Variants in MAP3K19 observed in about 807,000 individuals in gnomAD.
The protein encoded by MAP3K19 is SPS1/STE20-related protein kinase YSK4.
In MAP3K19, 91 loss-of-function variants were observed where a neutral mutation model predicts 114.4. The observed-to-expected ratio is 0.80, with a 90% CI of 0.67 to 0.95. MAP3K19 has a LOEUF of 0.95. Among genes scored for constraint, MAP3K19 ranks in the 40% least tolerant of loss-of-function variants. MAP3K19 has a pLI of 0.00. For missense variants in MAP3K19, 1,471 were observed against 1,573.2 expected, an observed-to-expected ratio of 0.94 and a Z score of 1.10; for synonymous variants, 518 against 530.5, an observed-to-expected ratio of 0.98 and a Z score of 0.32.
chr2:134,968,133 C>G lies in MAP3K19; in HGVS notation c.3921-3217G>C, dbSNP rs1167156995. Among the ~76,000 whole-genome samples the G allele has an allele frequency of 2.6e-5, 4 of 152,238 alleles. No homozygotes were observed. In the South Asian group the frequency reaches 6.2e-4, roughly 24 times the overall value. On this transcript the variant is annotated intron_variant, in intron 12 of 12. Transcript: ENST00000392915. ...TGCACCGCCCCTAATCCATTTAACCCTGAGTGGACACAGCACATGTTTCAG... is the reference window on the plus strand; with the variant it reads ...TGCACCGCCCCTAATCCATTTAACCGTGAGTGGACACAGCACATGTTTCAG...
At chr2:134,988,341 T>C (rs1685325353) in intron 9 of MAP3K19, 88 bp from the exon 10 acceptor site, 1 of 1,134,484 alleles carries the variant, frequency 8.8e-7, no homozygotes. Context: ...GAGATTATAA[T>C]ATCCTCTTAA....
intron 5 of MAP3K19, among the ~76,000 whole-genome samples, chr2:135,010,704 T>C (rs1238378247): frequency 6.6e-6 from 1 of 152,222 alleles, no homozygotes; most frequent in Non-Finnish European, 1.5e-5. Context: ...TATAGTTCAC[T>C]GCAGCCTCAA....
intron 12 of MAP3K19, among the ~76,000 whole-genome samples, chr2:134,975,844 C>T (rs1486124647): frequency 2.6e-5 from 4 of 152,186 alleles, no homozygotes; most frequent in African/African-American, 9.7e-5. Flanking sequence ...TAAGCAGAAG[C>T]TGCAGTGGAC....
At chr2:134,965,634 T>C (rs539028081) in intron 12 of MAP3K19, among the ~76,000 whole-genome samples, 2 of 152,300 alleles carry the variant, frequency 1.3e-5, no homozygotes, top group South Asian at 4.1e-4. Context: ...AAATATTTAT[T>C]AAGGCTTTAA....
intron 2 of MAP3K19, among the ~76,000 whole-genome samples, chr2:135,032,372 A>AAAGAG (rs765508585): frequency 0.18 from 26,655 of 145,166 alleles, 3,276 homozygotes; most frequent in South Asian, 0.35. Context: ...AAAAAAAAAA[A>AAAGAG]AGAAAAGAAA....
rs2105228688 is a variant in MAP3K19 at position 134,986,678 on chromosome 2, T to A, written c.2194A>T (p.Ile732Phe). The A allele has an allele frequency of 6.2e-7, 1 of 1,614,216 alleles. No homozygotes were observed. Among genetic ancestry groups the A allele is most frequent in the Non-Finnish European group, 8.5e-7 (1 of 1,180,036 alleles). The change falls in exon 10 of 13, where the codon ATT becomes TTT. Residue 732 changes from isoleucine (I) to phenylalanine (F), a missense_variant. Transcript: ENST00000392915. ...ATTAAGACTTTGTGCTCTTGTTTAA[T>A]GCCAAATGAAGTCTTTGGGCATTTC... ...HMKCPKTSFG[I>F]KQEHKVLISK...
intron 5 of MAP3K19, among the ~76,000 whole-genome samples, chr2:135,012,147 T>A (rs894882745): frequency 4.6e-5 from 7 of 152,192 alleles, no homozygotes; most frequent in Non-Finnish European, 8.8e-5. Flanking sequence ...TTTCTCAGTC[T>A]CTGCACTGTT....
chr2:135,029,948 C>A (rs927299607), intron 3 of MAP3K19, among the ~76,000 whole-genome samples: 1 of 152,174 alleles, frequency 6.6e-6, no homozygotes, highest in Non-Finnish European at 1.5e-5. Context: ...ATAACAGCAA[C>A]TGGTCCAAAG....
chr2:134,987,795 A>G lies in MAP3K19; in HGVS notation c.1077T>C (p.Pro359=). The G allele has an allele frequency of 1.2e-6, 2 of 1,607,560 alleles. No homozygotes were observed. Among genetic ancestry groups the G allele is most frequent in the African/African-American group, 2.7e-5 (2 of 75,016 alleles). The change falls in exon 10 of 13, where the codon CCT becomes CCC. Residue 359 remains proline (P), a synonymous_variant. Coordinates refer to ENST00000392915, the MANE Select transcript of MAP3K19 (RefSeq NM_025052.5). ...AAAGATATTGAGAGTTCTCTTCTTC[A>G]GGTTTTCGCGTTTTACTACCATGGC... The part of the protein sequence containing the change: ...IDCHGSKTRK[P]EEENSQYLSS...
chr2:134,967,340 A>C (rs1683429714), intron 12 of MAP3K19, among the ~76,000 whole-genome samples: 1 of 152,228 alleles, frequency 6.6e-6, no homozygotes, highest in Non-Finnish European at 1.5e-5. Context: ...GCCCGACACC[A>C]GTAAAGGGTC....
At chr2:134,992,567 A>G (rs937754287) in intron 8 of MAP3K19, among the ~76,000 whole-genome samples, 7 of 152,202 alleles carry the variant, frequency 4.6e-5, no homozygotes, top group African/African-American at 1.7e-4. Flanking sequence ...AATCGAGATC[A>G]TATGCCCAAC....
intron 2 of MAP3K19, among the ~76,000 whole-genome samples, chr2:135,030,978 T>G (rs918987591): frequency 9.2e-5 from 14 of 152,280 alleles, no homozygotes; most frequent in African/African-American, 2.9e-4. Context: ...TATCCTTGAA[T>G]GTCACAAGTA....
At chr2:135,021,648 C>A in intron 5 of MAP3K19, 67 bp downstream of exon 5, 1 of 831,804 alleles carries the variant, frequency 1.2e-6, no homozygotes, top group South Asian at 1.7e-5. Flanking sequence ...ATGAAGTATT[C>A]AAGCAACACA....
At chr2:134,994,651 T>C (rs1283592945) in intron 8 of MAP3K19, among the ~76,000 whole-genome samples, 1 of 152,212 alleles carries the variant, frequency 6.6e-6, no homozygotes, top group Non-Finnish European at 1.5e-5. Flanking sequence ...ATTATCTCTC[T>C]GGGGAAAACT....
intron 12 of MAP3K19, among the ~76,000 whole-genome samples, chr2:134,970,454 A>T (rs1187757302): frequency 4.6e-5 from 7 of 152,062 alleles, no homozygotes; most frequent in Admixed American, 3.3e-4. Context: ...TCGTATGTTA[A>T]TTTTGTATCC....
At chr2:135,033,698 C>T (rs1688451794) in intron 2 of MAP3K19, among the ~76,000 whole-genome samples, 1 of 81,710 alleles carries the variant, frequency 1.2e-5, no homozygotes, top group African/African-American at 8.4e-5. Flanking sequence ...GCCGGGGGGG[C>T]TAACCCCCCC....
chr2:134,998,681 A>G, intron 8 of MAP3K19, 57 bp downstream of exon 8: 1 of 1,514,474 alleles, frequency 6.6e-7, no homozygotes, highest in Admixed American at 1.9e-5. Flanking sequence ...GCCTGGCACA[A>G]TACATAAATA....
Position 134,986,567 on chromosome 2 carries a change from T to C in MAP3K19, c.2305A>G (p.Ile769Val), listed in dbSNP as rs771588420. ...AGAAACTCATTTCCTGAAGACTTTA[T>C]CTGCCAGTCTGGTTCTGAAATACCA... ...GDGISEPDWQ[I>V]KSSGNEFLSS... The change falls in exon 10 of 13, where the codon ATA becomes GTA. Residue 769 changes from isoleucine to valine, a missense_variant. Transcript: ENST00000392915. The C allele has an allele frequency of 1.2e-5, 20 of 1,614,114 alleles. No individual in the cohort carries two copies. The highest frequency in any genetic ancestry group is 1.2e-4 in the African/African-American group (9 of 74,956).
intron 1 of MAP3K19, among the ~76,000 whole-genome samples, chr2:135,042,528 A>G (rs1383105371): frequency 1.3e-5 from 2 of 151,558 alleles, no homozygotes; most frequent in African/African-American, 4.8e-5. Flanking sequence ...AAGAAAAAAG[A>G]AAATTAAAAA....
Sources: gnomAD v4.1 joint callset for allele counts (sites outside exome capture counted in the v4.1 genomes callset) on GRCh38, gnomAD v4.1.1 for gene constraint, MANE v1.5 for transcripts, NCBI Gene and HGNC (gene_info 2026-07-23, HGNC 2026-07-21) for gene names.